GADL1: variants seen among roughly 807,000 people sequenced by gnomAD.
GADL1 encodes acidic amino acid decarboxylase GADL1.
GADL1 carries 71 observed loss-of-function variants against 69.5 expected under a neutral mutation model. That is an observed-to-expected ratio of 1.02 (90% CI 0.84 to 1.25). The LOEUF is 1.25. Ranked by LOEUF, GADL1 falls within the 50% of genes most tolerant of loss-of-function variation. The pLI is 0.00. For synonymous variants in GADL1, 254 were observed against 214.4 expected (o/e 1.18, Z -1.62); for missense variants, 737 against 631.8 (o/e 1.17, Z -1.79).
intron 14 of GADL1, among the ~76,000 whole-genome samples, chr3:30,765,312 C>A (rs1037387809): frequency 5.2e-4 from 22 of 42,644 alleles, no homozygotes; most frequent in Non-Finnish European, 1.0e-3. Flanking sequence ...TACTGCAGAC[C>A]AACTCACACT....
At chr3:30,788,295 G>A (rs1031004780) in intron 12 of GADL1, among the ~76,000 whole-genome samples, 5 of 152,198 alleles carry the variant, frequency 3.3e-5, no homozygotes, top group African/African-American at 9.6e-5. Context: ...CTACAATAAA[G>A]TGAATGCTGC....
Position 30,815,500 on chromosome 3 carries a change from T to C in GADL1, c.1051-14412A>G, listed in dbSNP as rs866199603. ...GAACCAGATGTATTTAGAACAACCA[T>C]GACTGCAAATCCTGGGGGAGAGTGA... On this transcript the variant is annotated intron_variant, in intron 11 of 14. Coordinates refer to ENST00000282538, the MANE Select transcript of GADL1 (RefSeq NM_207359.3). Among the ~76,000 whole-genome samples the C allele has an allele frequency of 1.3e-5, 2 of 152,300 alleles. 1 individual carries two copies. The highest frequency in any genetic ancestry group is 4.2e-4 in the South Asian group (2 of 4,816).
At chr3:30,814,938 T>C (rs575444383) in intron 11 of GADL1, among the ~76,000 whole-genome samples, 120 of 151,504 alleles carry the variant, frequency 7.9e-4, no homozygotes, top group Admixed American at 1.4e-3. Context: ...CACTCCAGCC[T>C]GGGTGACAGA....
intron 14 of GADL1, among the ~76,000 whole-genome samples, chr3:30,735,729 T>A (rs1394466906): frequency 6.6e-6 from 1 of 152,034 alleles, no homozygotes; most frequent in Non-Finnish European, 1.5e-5. Flanking sequence ...CAGCAGACAA[T>A]AAATTCTGTT....
At chr3:30,764,221 C>CAGTTACTTAATAG (rs1553636743) in intron 14 of GADL1, among the ~76,000 whole-genome samples, 3 of 151,550 alleles carry the variant, frequency 2.0e-5, no homozygotes, top group African/African-American at 7.3e-5. Flanking sequence ...GAAAAATTCT[C>CAGTTACTTAATAG]TTAAGAGATT....
At chr3:30,785,325 T>C (rs1696764580) in intron 13 of GADL1, among the ~76,000 whole-genome samples, 1 of 152,092 alleles carries the variant, frequency 6.6e-6, no homozygotes, top group South Asian at 2.1e-4. Flanking sequence ...ATGCATGACA[T>C]AGTAATTGTT....
rs762622976 is a variant in GADL1, at chr3:30,844,235, T to C, written c.761A>G (p.Lys254Arg). The change falls in exon 8 of 15, where the codon AAG becomes AGG. Residue 254 changes from lysine to arginine, a missense_variant. By Grantham distance (26) the Lys-to-Arg change is conservative. Coordinates refer to ENST00000282538, the MANE Select transcript of GADL1 (RefSeq NM_207359.3). ...CTCTTTTCTGGCTTGCCAGACTTGCTTCTCCAGTTCCTCAGGTATCATTTT... is the reference window on the plus strand; with the variant it reads ...CTCTTTTCTGGCTTGCCAGACTTGCCTCTCCAGTTCCTCAGGTATCATTTT... ...RGKMIPEELEKQVWQARKEGA... is the reference protein window; with the variant it reads ...RGKMIPEELERQVWQARKEGA... The C allele has an allele frequency of 6.2e-7, 1 of 1,612,838 alleles. No homozygotes were observed.
chr3:30,843,950 T>C (rs1219121039), intron 8 of GADL1, among the ~76,000 whole-genome samples: 1 of 152,176 alleles, frequency 6.6e-6, no homozygotes, highest in Non-Finnish European at 1.5e-5. Flanking sequence ...GTGATTTCAG[T>C]GTTTTAATAG....
At chr3:30,752,159 G>T (rs538081423) in intron 14 of GADL1, among the ~76,000 whole-genome samples, 2 of 150,760 alleles carry the variant, frequency 1.3e-5, no homozygotes, top group South Asian at 2.1e-4. Context: ...TTGAGCAGAA[G>T]ATGCGGCTCT....
At chr3:30,858,216 G>A (rs1698258425) in intron 2 of GADL1, among the ~76,000 whole-genome samples, 1 of 152,022 alleles carries the variant, frequency 6.6e-6, no homozygotes, top group Non-Finnish European at 1.5e-5. Flanking sequence ...ATAAAGATGT[G>A]TTGAATAACT....
intron 14 of GADL1, among the ~76,000 whole-genome samples, chr3:30,766,672 G>A (rs911342156): frequency 6.6e-6 from 1 of 151,978 alleles, no homozygotes; most frequent in African/African-American, 2.4e-5. Flanking sequence ...CCAAGCCAGT[G>A]TGTTTTTGAT....
At chr3:30,803,670 G>T (rs956222307) in intron 11 of GADL1, among the ~76,000 whole-genome samples, 10 of 152,176 alleles carry the variant, frequency 6.6e-5, no homozygotes, top group African/African-American at 2.2e-4. Flanking sequence ...AAAAAATTCT[G>T]CCTTGGGAAG....
At chr3:30,851,991 T>C (rs1698154353) in intron 4 of GADL1, among the ~76,000 whole-genome samples, 1 of 152,164 alleles carries the variant, frequency 6.6e-6, no homozygotes, top group East Asian at 1.9e-4. Context: ...TATGATCTCC[T>C]TTTCAATTGA....
chr3:30,785,529 G>GA (rs1263700094), intron 13 of GADL1, among the ~76,000 whole-genome samples: 2 of 151,878 alleles, frequency 1.3e-5, no homozygotes, highest in Non-Finnish European at 2.9e-5. Flanking sequence ...TTACAAGCAT[G>GA]AGCCACCACG....
At chr3:30,731,244 C>G (rs1371608190) in intron 14 of GADL1, among the ~76,000 whole-genome samples, 1 of 152,182 alleles carries the variant, frequency 6.6e-6, no homozygotes, top group Non-Finnish European at 1.5e-5. Flanking sequence ...CCTCCAGGTA[C>G]CCAGGGTATA....
chr3:30,741,703 G>A (rs969373154), intron 14 of GADL1, among the ~76,000 whole-genome samples: 1 of 152,046 alleles, frequency 6.6e-6, no homozygotes, highest in African/African-American at 2.4e-5. Flanking sequence ...ATAAATTAGG[G>A]AAAAATTAAT....
At chr3:30,786,509 A>G (rs774171240) in intron 12 of GADL1, 103 bp from the exon 13 acceptor site, 10 of 694,934 alleles carry the variant, frequency 1.4e-5, no homozygotes, top group Non-Finnish European at 5.2e-6. Context: ...GGAGATAAGA[A>G]AGATACAGAT....
intron 14 of GADL1, among the ~76,000 whole-genome samples, chr3:30,773,626 AAC>A (rs1559495764): frequency 6.6e-6 from 1 of 152,168 alleles, no homozygotes; most frequent in Admixed American, 6.5e-5. Flanking sequence ...ATTATTTTGA[AAC>A]ACAATCTTGT....
At chr3:30,792,958 G>GA (rs1326860839) in intron 12 of GADL1, among the ~76,000 whole-genome samples, 1 of 152,178 alleles carries the variant, frequency 6.6e-6, no homozygotes, top group Non-Finnish European at 1.5e-5. Flanking sequence ...ACAGGCAAGA[G>GA]AGAATGGTCC....
Sources: allele counts gnomAD v4.1 joint callset (sites outside exome capture counted in the v4.1 genomes callset), GRCh38; gene constraint gnomAD v4.1.1; transcripts MANE v1.5; gene names NCBI Gene and HGNC (gene_info 2026-07-23, HGNC 2026-07-21).